The following GRM8 variants were observed in gnomAD, a reference collection of about 807,000 sequenced individuals.
The protein encoded by GRM8 is glutamate metabotropic receptor 8, also known as metabotropic glutamate receptor 8.
Under a neutral mutation model 87.2 loss-of-function variants are expected in GRM8, and 47 were observed. The ratio of observed to expected loss-of-function variants is 0.54; its 90% confidence interval spans 0.43 to 0.69. The LOEUF (loss-of-function observed/expected upper bound fraction) is 0.69. Among genes scored for constraint, GRM8 ranks in the 30% least tolerant of loss-of-function variants. The pLI, the probability that GRM8 is intolerant of heterozygous loss-of-function variation, is 0.00. For missense variants in GRM8, 1,019 were observed against 1,139.2 expected (o/e 0.89, Z 1.52); for synonymous variants, 396 against 404.5 (o/e 0.98, Z 0.25).
At chr7:126,614,359 A>C (rs1799229156) in intron 7 of GRM8, among the ~76,000 whole-genome samples, 1 of 152,178 alleles carries the variant, frequency 6.6e-6, no homozygotes, top group South Asian at 2.1e-4. Context: ...GGACATCCAC[A>C]CCAAAACCAC....
intron 8 of GRM8, among the ~76,000 whole-genome samples, chr7:126,579,328 T>TA (rs1795394068): frequency 6.6e-6 from 1 of 152,180 alleles, no homozygotes; most frequent in Non-Finnish European, 1.5e-5. Flanking sequence ...CCATAAATAA[T>TA]AACCAACAAT....
intron 2 of GRM8, among the ~76,000 whole-genome samples, chr7:127,169,247 G>A (rs1793642401): frequency 1.3e-5 from 2 of 151,614 alleles, no homozygotes; most frequent in Admixed American, 1.3e-4. Context: ...ATAAGAAAGT[G>A]AAACAGCATT....
intron 6 of GRM8, among the ~76,000 whole-genome samples, chr7:126,891,968 A>C (rs1801058597): frequency 7.0e-6 from 1 of 141,850 alleles, no homozygotes; most frequent in Non-Finnish European, 1.5e-5. Flanking sequence ...ACTGAGATTC[A>C]GCTGTGAATG....
intron 3 of GRM8, among the ~76,000 whole-genome samples, chr7:127,079,279 C>T (rs996668798): frequency 1.3e-5 from 2 of 152,082 alleles, no homozygotes; most frequent in African/African-American, 4.8e-5. Flanking sequence ...CCCATCACCA[C>T]GCCTGGCTAA....
chr7:126,439,826 G>GTGTGTGTC (rs1491520056), intron 10 of GRM8, among the ~76,000 whole-genome samples: 1 of 5,718 alleles, frequency 1.7e-4, no homozygotes, highest in African/African-American at 1.4e-3. Context: ...GCCTAGGCTA[G>GTGTGTGTC]TGTGTGTGTG....
chr7:127,036,457 A>G (rs903157040), intron 3 of GRM8, among the ~76,000 whole-genome samples: 3 of 152,206 alleles, frequency 2.0e-5, no homozygotes, highest in African/African-American at 7.2e-5. Flanking sequence ...TGTATCCTCA[A>G]CTAGGTGGAA....
chr7:126,909,477 T>G (rs953552747), intron 3 of GRM8, among the ~76,000 whole-genome samples: 1 of 148,172 alleles, frequency 6.7e-6, no homozygotes, highest in Non-Finnish European at 1.5e-5. Flanking sequence ...GAAAGATTAC[T>G]AATTGTGTAC....
intron 3 of GRM8, among the ~76,000 whole-genome samples, chr7:126,967,874 AG>A (rs1413789896): frequency 6.6e-6 from 1 of 152,232 alleles, no homozygotes; most frequent in African/African-American, 2.4e-5. Context: ...AGTTTAAACC[AG>A]TAAGTCATAA....
intron 3 of GRM8, among the ~76,000 whole-genome samples, chr7:127,096,859 C>G (rs1055904930): frequency 6.6e-6 from 1 of 152,128 alleles, no homozygotes; most frequent in Non-Finnish European, 1.5e-5. Flanking sequence ...AACTTGAACT[C>G]TAAGTGACTT....
At chr7:127,014,986 AGGAAGAAGAAGAAGAAAGAAGAAGAAG>A (rs1815281137) in intron 3 of GRM8, among the ~76,000 whole-genome samples, 1 of 135,074 alleles carries the variant, frequency 7.4e-6, no homozygotes, top group Admixed American at 8.3e-5. Flanking sequence ...GAAGGAGAAG[AGGAAGAAGAAGAAGAAAGAAGAAGAAG>A]AAGAAGAAGA....
intron 7 of GRM8, among the ~76,000 whole-genome samples, chr7:126,675,687 G>A (rs905133494): frequency 3.3e-5 from 5 of 152,116 alleles, no homozygotes; most frequent in Admixed American, 2.6e-4. Flanking sequence ...CTAAAATCCA[G>A]CCTCCCTTTT....
At chr7:127,155,870 A>G (rs779266264) in intron 2 of GRM8, among the ~76,000 whole-genome samples, 1 of 152,188 alleles carries the variant, frequency 6.6e-6, no homozygotes, top group Non-Finnish European at 1.5e-5. Context: ...CTCATGGAAG[A>G]AAATCAAGGA....
At position 126,533,225 on chromosome 7, in the gene GRM8, G is replaced by C. The variant is rs769201; in HGVS notation, c.2157C>G (p.Pro719=). The C allele has an allele frequency of 4.3e-6, 7 of 1,613,172 alleles. No individual in the cohort carries two copies. The highest frequency in any genetic ancestry group is 3.3e-5 in the Admixed American group (2 of 59,900). The change falls in exon 9 of 11, where the codon CCC becomes CCG. Residue 719 remains proline, a synonymous_variant. Transcript: ENST00000339582. ...GVFVWFVVDP[P]HIIIDYGEQR... The stretch of plus-strand genomic sequence containing the variant: ...GCTCTCCATAGTCAATGATGATGTG[G>C]GGGGGATCCACAACAAACCAGACAA...
Position 127,106,626 on chromosome 7 carries a change from G to A in GRM8, c.597C>T (p.Asp199=). 5 of 1,613,948 alleles carry A rather than the reference G, an allele frequency of 3.1e-6. No homozygotes were observed. Among genetic ancestry groups the A allele is most frequent in the Non-Finnish European group, 4.2e-6 (5 of 1,179,846 alleles). The change falls in exon 3 of 11, where the codon GAC becomes GAT. Residue 199 remains aspartate, a synonymous_variant. Transcript: ENST00000339582. ...YDFFSRVVPP[D]SYQAQAMVDI... is the part of the protein sequence containing the mutation. ...CCACCATGGCTTGGGCTTGGTAGGA[G>A]TCAGGCGGAACCACTCGAGAGAAAA...
intron 10 of GRM8, among the ~76,000 whole-genome samples, chr7:126,439,371 G>C (rs1463284998): frequency 6.6e-6 from 1 of 152,030 alleles, no homozygotes; most frequent in Admixed American, 6.6e-5. Context: ...ATATAAAGGT[G>C]GTCCCATGAG....
chr7:126,877,268 G>C (rs1586288966), intron 6 of GRM8, among the ~76,000 whole-genome samples: 1 of 152,270 alleles, frequency 6.6e-6, no homozygotes, highest in East Asian at 1.9e-4. Context: ...ATCTAAACTT[G>C]TTGGCCTAGC....
intron 9 of GRM8, among the ~76,000 whole-genome samples, chr7:126,481,273 T>A (rs1279783333): frequency 1.3e-5 from 2 of 151,998 alleles, no homozygotes; most frequent in African/African-American, 4.8e-5. Context: ...ATAGACAAGA[T>A]CCAGTTATGG....
At chr7:126,974,748 A>G (rs1810778382) in intron 3 of GRM8, among the ~76,000 whole-genome samples, 1 of 152,046 alleles carries the variant, frequency 6.6e-6, no homozygotes, top group Non-Finnish European at 1.5e-5. Flanking sequence ...CCTGGCTAAC[A>G]CGGTGAAATC....
At chr7:126,766,598 T>C (rs1337593814) in intron 7 of GRM8, among the ~76,000 whole-genome samples, 1 of 152,114 alleles carries the variant, frequency 6.6e-6, no homozygotes, top group Non-Finnish European at 1.5e-5. Context: ...GCAGTTGCCT[T>C]ATAAAGCTCA....
Sources: allele counts gnomAD v4.1 joint callset (sites outside exome capture counted in the v4.1 genomes callset), GRCh38; gene constraint gnomAD v4.1.1; transcripts MANE v1.5; gene names NCBI Gene and HGNC (gene_info 2026-07-23, HGNC 2026-07-21).